The following MOB3A variants were observed in gnomAD, a reference collection of about 807,000 sequenced individuals.
MOB3A encodes the protein MOB LAK.
Under a neutral mutation model 17.8 loss-of-function variants are expected in MOB3A, and 17 were observed. That is an observed-to-expected ratio of 0.95 (90% CI 0.65 to 1.43). MOB3A has a LOEUF of 1.43. MOB3A is among the 40% of genes most tolerant of loss of function. The pLI, the probability that MOB3A is intolerant of heterozygous loss-of-function variation, is 0.00. For missense variants in MOB3A, 333 were observed against 310.8 expected (o/e 1.07, Z -0.54); for synonymous variants, 124 against 133.2 (o/e 0.93, Z 0.48).
Position 2,078,539 on chromosome 19 carries a change from G to A in MOB3A, c.22C>T (p.Gln8Ter). 6.3e-7 allele frequency: 1 copy of A among 1,581,302 alleles called. No individual in the cohort carries two copies. Among genetic ancestry groups the A allele is most frequent in the Non-Finnish European group, 8.6e-7 (1 of 1,159,474 alleles). Reference protein sequence around the residue: MSNPFLKQVFNKDKTFRP... With the variant: MSNPFLK ...AATGTCTTGTCCTTGTTGAAGACTT[G>A]CTTCAGGAAGGGGTTGGACATCTTG... Residue 8 changes from glutamine to a stop codon, truncating the protein, a stop_gained, in exon 3 of 5, where the codon CAA (glutamine) becomes TAA (stop). Transcript: ENST00000357066. LOFTEE classifies it high-confidence loss of function.
intron 1 of MOB3A, chr19:2,085,550 G>A (rs1363519801): frequency 6.6e-6 from 1 of 152,226 alleles, no homozygotes; most frequent in East Asian, 1.9e-4. Flanking sequence ...GCGCCTGAGA[G>A]ACAAGCCCTG....
intron 1 of MOB3A, among the ~76,000 whole-genome samples, chr19:2,092,961 G>A (rs774661771): frequency 5.9e-5 from 9 of 152,038 alleles, no homozygotes; most frequent in Non-Finnish European, 1.2e-4. Flanking sequence ...CCAGAATCCC[G>A]TTTCTGAAGT....
Position 2,078,366 on chromosome 19 carries a change from C to A in MOB3A, c.195G>T (p.Val65=). 6.2e-7 allele frequency: 1 copy of A among 1,614,208 alleles called. No homozygotes were observed. Among genetic ancestry groups the A allele is most frequent in the Non-Finnish European group, 8.5e-7 (1 of 1,180,032 alleles). ...GGTTGACGCGGTTAAAGAAGTCCAC[C>A]ACGTGAACAGCCACCCAGTCGTTCA... ...EDLNDWVAVH[V]VDFFNRVNLI... is the part of the protein sequence containing the mutation. The change falls in exon 3 of 5, where the codon GTG becomes GTT. Residue 65 remains valine (V), a synonymous_variant. Coordinates refer to ENST00000357066, the MANE Select transcript of MOB3A (RefSeq NM_130807.3).
chr19:2,091,866 G>A (rs1487677298), intron 1 of MOB3A, among the ~76,000 whole-genome samples: 8 of 149,700 alleles, frequency 5.3e-5, no homozygotes, highest in African/African-American at 1.9e-4. Flanking sequence ...GCGTGGTGGC[G>A]GGCGCCTGTA....
chr19:2,074,828 C>T (rs2017383631), intron 4 of MOB3A, among the ~76,000 whole-genome samples: 1 of 152,036 alleles, frequency 6.6e-6, no homozygotes, highest in Non-Finnish European at 1.5e-5. Context: ...AGTGATTCTT[C>T]TGCCTCAGCC....
In MOB3A at chr19:2,093,175, C is replaced by T. The variant is rs1350819016; in HGVS notation, c.-274+3051G>A. Among the ~76,000 whole-genome samples the T allele has an allele frequency of 5.4e-5, 8 of 148,938 alleles. No homozygotes were observed. The highest frequency in any genetic ancestry group is 1.0e-4 in the Non-Finnish European group (7 of 67,238). ...CTTGGAAGGGAATTTTTTTTTTTTTCGAGACGTTGTCTTACTCTGTTGCCC... is the reference window on the plus strand; with the variant it reads ...CTTGGAAGGGAATTTTTTTTTTTTTTGAGACGTTGTCTTACTCTGTTGCCC... On this transcript the variant is annotated intron_variant, in intron 1 of 4. Transcript: ENST00000357066. This position sits in a 1 kb window ranked among gnomAD's most constrained non-coding sequence, Gnocchi z 4.6.
rs2017442933 is a variant in MOB3A at position 2,078,401 on chromosome 19, C to T, written c.160G>A (p.Gly54Ser). 1 of 1,613,992 alleles carries T rather than the reference C, an allele frequency of 6.2e-7. No homozygotes were observed. Among genetic ancestry groups the T allele is most frequent in the Non-Finnish European group, 8.5e-7 (1 of 1,179,994 alleles). ...DLRLAVQLPPGEDLNDWVAVH... is the reference protein window; with the variant it reads ...DLRLAVQLPPSEDLNDWVAVH... ...GCCACCCAGTCGTTCAGGTCCTCGC[C>T]CGGGGGCAACTGCACGGCCAGCCGC... Residue 54 changes from glycine (G) to serine (S), a missense_variant, in exon 3 of 5, where the codon GGC (glycine) becomes AGC (serine). By Grantham distance (56) the Gly-to-Ser change is moderately conservative. Transcript: ENST00000357066.
chr19:2,075,058 A>T, intron 4 of MOB3A, among the ~76,000 whole-genome samples: 1 of 133,256 alleles, frequency 7.5e-6, no homozygotes. Flanking sequence ...GAGACAGGTT[A>T]CTGGCTGTCA....
chr19:2,086,282 T>C (rs888599455), intron 1 of MOB3A, among the ~76,000 whole-genome samples: 2 of 151,906 alleles, frequency 1.3e-5, no homozygotes, highest in Non-Finnish European at 2.9e-5. Context: ...TCAAGTGATC[T>C]GCCCACCTCG....
chr19:2,077,212 C>T (rs2017423379), intron 3 of MOB3A, among the ~76,000 whole-genome samples, 199 bp from the exon 4 acceptor site: 1 of 152,062 alleles, frequency 6.6e-6, no homozygotes, highest in Non-Finnish European at 1.5e-5. Context: ...ACCAGCCTGG[C>T]CAACATGGAG....
chr19:2,073,556 A>C, intron 4 of MOB3A, 132 bp from the exon 5 acceptor site: 8 of 1,173,074 alleles, frequency 6.8e-6, no homozygotes, highest in Non-Finnish European at 1.0e-5. Context: ...AAACAACAAA[A>C]ACCACACAGG....
At chr19:2,094,345 C>T (rs2017646309) in intron 1 of MOB3A, among the ~76,000 whole-genome samples, 1 of 152,144 alleles carries the variant, frequency 6.6e-6, no homozygotes, top group Admixed American at 6.6e-5. Flanking sequence ...CTGCGCCGGG[C>T]CACCCTCTTG....
chr19:2,073,092 A>G lies in MOB3A; in HGVS notation c.*303T>C, dbSNP rs569679193. ...AGGGCAAGGAGTGACCCTGGAAGCC[A>G]TCCAGCCTCCTGGAAAGTGGAAGTG... On this transcript the variant is annotated 3_prime_UTR_variant, in exon 5 of 5. Transcript: ENST00000357066. 2.1e-6 allele frequency: 1 copy of G among 486,442 alleles called. No individual in the cohort carries two copies. Among genetic ancestry groups the G allele is most frequent in the South Asian group, 2.8e-5 (1 of 35,124 alleles). The allele number at this position is 486,442 out of a possible 1,614,324, so 30.1% of individuals were successfully genotyped here.
chr19:2,090,686 C>T (rs10406263), intron 1 of MOB3A, among the ~76,000 whole-genome samples: 3 of 151,600 alleles, frequency 2.0e-5, no homozygotes, highest in Non-Finnish European at 2.9e-5. Flanking sequence ...TTTTTTAAGA[C>T]GGAGTCTCGC....
In MOB3A at chr19:2,093,913, GTTC is replaced by G. The variant is rs2017640145; in HGVS notation, c.-274+2310_-274+2312del. On this transcript the variant is annotated intron_variant, in intron 1 of 4. Transcript: ENST00000357066. The surrounding 1 kb of genome is among the most constrained non-coding windows in gnomAD (Gnocchi z 4.6). Reference sequence around the variant, plus strand: ...CTCTGTAATCGGTAGATCTCAGTGAGTTCTAATAAACAGGTCCCTGACAACTGC... The same window carrying G: ...CTCTGTAATCGGTAGATCTCAGTGAGTAATAAACAGGTCCCTGACAACTGC... 6.6e-6 allele frequency among the ~76,000 whole-genome samples: 1 copy of G among 152,014 alleles called. No homozygotes were observed. The highest frequency in any genetic ancestry group is 2.4e-5 in the African/African-American group (1 of 41,362).
chr19:2,083,274 G>A (rs983396948), intron 2 of MOB3A, among the ~76,000 whole-genome samples: 19 of 152,310 alleles, frequency 1.2e-4, no homozygotes, highest in Admixed American at 4.6e-4. Context: ...AGCCCGGGAC[G>A]CATCCACGCT....
At chr19:2,094,889 G>A (rs1247262187) in intron 1 of MOB3A, among the ~76,000 whole-genome samples, 1 of 152,238 alleles carries the variant, frequency 6.6e-6, no homozygotes, top group Non-Finnish European at 1.5e-5. Flanking sequence ...AAGCAGTGTG[G>A]GCCGGGCGCG....
rs1370973584 is a variant in MOB3A at position 2,093,342 on chromosome 19, C to G, written c.-274+2884G>C. The stretch of plus-strand genomic sequence containing the variant: ...CCGGGTAAATTTTGTATTCCTCAGC[C>G]GATGAGCTCTGTTCCTGTCTTCCTG... On this transcript the variant is annotated intron_variant, in intron 1 of 4. Transcript: ENST00000357066. This position sits in a 1 kb window ranked among gnomAD's most constrained non-coding sequence, Gnocchi z 4.6. Among the ~76,000 whole-genome samples the G allele has an allele frequency of 1.3e-5, 2 of 151,866 alleles. No individual in the cohort carries two copies. Among genetic ancestry groups the G allele is most frequent in the Admixed American group, 1.3e-4 (2 of 15,242 alleles).
chr19:2,091,129 C>G (rs1205824188), intron 1 of MOB3A, among the ~76,000 whole-genome samples: 1 of 152,186 alleles, frequency 6.6e-6, no homozygotes, highest in Non-Finnish European at 1.5e-5. Context: ...AACCAAGATT[C>G]CAGTGCCGGC....
Sources: gnomAD v4.1 joint callset for allele counts (sites outside exome capture counted in the v4.1 genomes callset) on GRCh38, gnomAD v4.1.1 for gene constraint, Gnocchi (gnomAD v3.1) non-coding constraint, MANE v1.5 for transcripts, NCBI Gene and HGNC (gene_info 2026-07-23, HGNC 2026-07-21) for gene names.